The following TPM2 variants were observed in gnomAD, a reference collection of about 807,000 sequenced individuals.
TPM2 encodes the protein tropomyosin beta chain.
Under a neutral mutation model 41.0 loss-of-function variants are expected in TPM2, and 26 were observed. The observed-to-expected ratio is 0.63, with a 90% confidence interval of 0.46 to 0.88. TPM2 has a LOEUF of 0.88. Among genes scored for constraint, TPM2 ranks in the 40% least tolerant of loss-of-function variants. The probability of loss-of-function intolerance (pLI) is 0.00; values close to 1 mark genes in which losing one functional copy is unlikely to be tolerated. For missense variants in TPM2, 187 were observed against 355.2 expected (o/e 0.53, Z 3.81); for synonymous variants, 143 against 139.3 (o/e 1.03, Z -0.19).
Position 35,685,575 on chromosome 9 carries a change from C to A in TPM2, c.375-24G>T. On this transcript the variant is annotated intron_variant, in intron 3 of 8. Coordinates refer to ENST00000645482, the MANE Select transcript of TPM2 (RefSeq NM_003289.4). The surrounding 1 kb of genome is among the most constrained non-coding windows in gnomAD (Gnocchi z 5.0). ...CTCTGAAAGGCAGGGAGAGGGTGAGCGTAGGGTCAGGACCAGCAGAGACAG... is the reference window on the plus strand; with the variant it reads ...CTCTGAAAGGCAGGGAGAGGGTGAGAGTAGGGTCAGGACCAGCAGAGACAG... The A allele has an allele frequency of 6.2e-7, 1 of 1,614,154 alleles. No individual in the cohort carries two copies. Among genetic ancestry groups the A allele is most frequent in the Non-Finnish European group, 8.5e-7 (1 of 1,180,024 alleles).
intron 8 of TPM2, chr9:35,683,988 G>A (rs1824725405): frequency 2.0e-6 from 1 of 499,944 alleles, no homozygotes; most frequent in Non-Finnish European, 3.6e-6. Context: ...ATCTCTTTGG[G>A]GCAGAGTCAA....
chr9:35,682,850 A>C (rs939519546), downstream of TPM2: 24 of 1,428,642 alleles, frequency 1.7e-5, no homozygotes, highest in Non-Finnish European at 2.2e-5. Flanking sequence ...GGTGTCAGTA[A>C]GTGCCAGGGT....
intron 2 of TPM2, among the ~76,000 whole-genome samples, chr9:35,687,048 C>T (rs1824960479): frequency 6.6e-6 from 1 of 152,192 alleles, no homozygotes; most frequent in South Asian, 2.1e-4. Flanking sequence ...CTTATTTAGC[C>T]TCTCTAAGCT....
At chr9:35,686,620 T>C (rs190965002) in intron 2 of TPM2, among the ~76,000 whole-genome samples, 29 of 107,612 alleles carry the variant, frequency 2.7e-4, no homozygotes, top group South Asian at 1.1e-3. Flanking sequence ...CTGGGAAACA[T>C]AGCAAGATCC....
At position 35,685,374 on chromosome 9, in the gene TPM2, GAGA is replaced by G; in HGVS notation, c.493-38_493-36del. 6.2e-7 allele frequency: 1 copy of G among 1,614,182 alleles called. No individual in the cohort carries two copies. The highest frequency in any genetic ancestry group is 2.2e-5 in the East Asian group (1 of 44,876). On this transcript the variant is annotated intron_variant, in intron 4 of 8. Transcript: ENST00000645482. The surrounding 1 kb of genome is among the most constrained non-coding windows in gnomAD (Gnocchi z 5.0). ...GTGAGAAAGAGAGGGTAGATCAGTG[GAGA>G]AGGACTGGGCATGTTGCAGGCTGGG...
chr9:35,684,530 T>C lies in TPM2; in HGVS notation c.660A>G (p.Lys220=), dbSNP rs747802061. The part of the protein sequence containing the change: ...QADKYSTKED[K]YEEEIKLLEE... ...CCAACAGTTTGATCTCCTCTTCATATTTATCTTCTTTGGTGGAATACTTTT... is the reference window on the plus strand; with the variant it reads ...CCAACAGTTTGATCTCCTCTTCATACTTATCTTCTTTGGTGGAATACTTTT... The change falls in exon 7 of 9, where the codon AAA becomes AAG. Residue 220 remains lysine, a synonymous_variant. Coordinates refer to ENST00000645482, the MANE Select transcript of TPM2 (RefSeq NM_003289.4). 1.9e-6 allele frequency: 3 copies of C among 1,614,166 alleles called. No individual in the cohort carries two copies. The South Asian group carries it at 3.3e-5, about 18-fold the overall frequency.
intron 2 of TPM2, 95 bp downstream of exon 2, chr9:35,689,051 A>G: frequency 7.0e-7 from 1 of 1,438,366 alleles, no homozygotes; most frequent in Non-Finnish European, 9.8e-7. Context: ...TGGGGACATA[A>G]GGGGATAAGG....
upstream of TPM2, chr9:35,689,965 G>T: frequency 6.5e-7 from 1 of 1,533,534 alleles, no homozygotes; most frequent in Non-Finnish European, 8.7e-7. Flanking sequence ...AGGCGGGGAG[G>T]GACCGGGCGG....
At position 35,684,812 on chromosome 9, in the gene TPM2, AG is replaced by A. The variant is rs1439651784; in HGVS notation, c.564-6del. ...TCCTCTAGGTCCCCACATTTACTGCAGGGGGTGTGTGGCGGGGGGGGCAGGG... is the reference window on the plus strand; with the variant it reads ...TCCTCTAGGTCCCCACATTTACTGCAGGGGTGTGTGGCGGGGGGGGCAGGG... On this transcript the variant is annotated splice_polypyrimidine_tract_variant and splice_region_variant and intron_variant, in intron 5 of 8. Coordinates refer to ENST00000645482, the MANE Select transcript of TPM2 (RefSeq NM_003289.4). The A allele has an allele frequency of 3.3e-6, 5 of 1,532,818 alleles. No homozygotes were observed. The highest frequency in any genetic ancestry group is 4.4e-6 in the Non-Finnish European group (5 of 1,132,074). The allele number at this position is 1,532,818 out of a possible 1,614,324, so 95.0% of individuals were successfully genotyped here. A position where few individuals can be genotyped will look rare whatever the true frequency, so the allele number is the denominator to read the frequency against.
intron 2 of TPM2, among the ~76,000 whole-genome samples, chr9:35,688,238 C>T (rs1322771767): frequency 6.6e-6 from 1 of 152,200 alleles, no homozygotes; most frequent in Non-Finnish European, 1.5e-5. Context: ...GTCACAGAAG[C>T]CCAACCCCTG....
Position 35,685,114 on chromosome 9 carries a change from G to A in TPM2, c.563+155C>T. ...TTGAGGGCCTGGTCCATGGTTCGAA[G>A]TTCCTCCTCCAGCTGTCTGGCTCGG... On this transcript the variant is annotated intron_variant, in intron 5 of 8. Transcript: ENST00000645482. This position sits in a 1 kb window ranked among gnomAD's most constrained non-coding sequence, Gnocchi z 5.0. The A allele has an allele frequency of 6.2e-7, 1 of 1,614,218 alleles. No individual in the cohort carries two copies. Among genetic ancestry groups the A allele is most frequent in the Non-Finnish European group, 8.5e-7 (1 of 1,180,036 alleles).
At chr9:35,686,319 G>A (rs1824906910) in intron 2 of TPM2, 1 of 209,292 alleles carries the variant, frequency 4.8e-6, no homozygotes, top group Non-Finnish European at 9.7e-6. Context: ...GGCCTCTCCT[G>A]CACTGTGCAC....
chr9:35,684,771 A>T lies in TPM2; in HGVS notation c.600T>A (p.Val200=). 1 of 1,613,948 alleles carries T rather than the reference A, an allele frequency of 6.2e-7. No homozygotes were observed. Among genetic ancestry groups the T allele is most frequent in the Non-Finnish European group, 8.5e-7 (1 of 1,179,994 alleles). ...CCTCCAGGGATTTCAAGTTGTTGGT[A>T]ACAATTTTCAGCTCCTCCTCTAGGT... ...CGDLEEELKI[V]TNNLKSLEAQ... The change falls in exon 6 of 9, where the codon GTT becomes GTA. Residue 200 remains valine, a synonymous_variant. Coordinates refer to ENST00000645482, the MANE Select transcript of TPM2 (RefSeq NM_003289.4).
intron 1 of TPM2, 29 bp downstream of exon 1, chr9:35,689,675 G>C (rs369064198): frequency 6.2e-7 from 1 of 1,610,482 alleles, no homozygotes; most frequent in Non-Finnish European, 8.5e-7. Flanking sequence ...GGCGCGGGGA[G>C]AGCAGGCTGC....
intron 2 of TPM2, among the ~76,000 whole-genome samples, chr9:35,686,102 T>C (rs3793534): frequency 6.6e-6 from 1 of 152,024 alleles, no homozygotes; most frequent in East Asian, 1.9e-4. Context: ...AATAAAAAAT[T>C]AGCCAGGCAT....
intron 8 of TPM2, among the ~76,000 whole-genome samples, chr9:35,683,442 C>T (rs980805120): frequency 6.6e-6 from 1 of 152,194 alleles, no homozygotes; most frequent in African/African-American, 2.4e-5. Context: ...TCTTTTCTGT[C>T]CTTCTCTGTA....
intron 2 of TPM2, among the ~76,000 whole-genome samples, chr9:35,687,271 C>T (rs1008126988): frequency 6.6e-6 from 1 of 151,802 alleles, no homozygotes; most frequent in African/African-American, 2.4e-5. Context: ...TTTTTTAAAG[C>T]CCCCGAGTGA....
rs2131853430 is a variant in TPM2, at chr9:35,685,719, C to T, written c.302G>A (p.Arg101Gln). Residue 101 changes from arginine (R) to glutamine (Q), a missense_variant, in exon 3 of 9, where the codon CGG becomes CAG. Arg to Gln is a conservative substitution (Grantham distance 43). Coordinates refer to ENST00000645482, the MANE Select transcript of TPM2 (RefSeq NM_003289.4). This position sits in a 1 kb window ranked among gnomAD's most constrained non-coding sequence, Gnocchi z 5.0. ...GGCTGTAGCCAGGCGCTCCTGGGCC[C>T]GGTCCAGCTCCTCCTCAACCAGCTG... ...RIQLVEEELDRAQERLATALQ... is the reference protein window; with the variant it reads ...RIQLVEEELDQAQERLATALQ... 6.2e-7 allele frequency: 1 copy of T among 1,614,128 alleles called. No homozygotes were observed. Among genetic ancestry groups the T allele is most frequent in the Non-Finnish European group, 8.5e-7 (1 of 1,180,032 alleles).
At position 35,684,825 on chromosome 9, in the gene TPM2, C is replaced by CGG. The variant is rs3215700; in HGVS notation, c.564-20_564-19dup. 3,045 of 1,594,158 alleles carry CGG rather than the reference C, an allele frequency of 1.9e-3. 14 individuals carry two copies. Among genetic ancestry groups the CGG allele is most frequent in the East Asian group, 0.014 (624 of 44,388 alleles). ...CACATTTACTGCAGGGGGTGTGTGG[C>CGG]GGGGGGGGCAGGGTGTGAGGGCACA... On this transcript the variant is annotated intron_variant, in intron 5 of 8. Transcript: ENST00000645482.
Sources: allele counts gnomAD v4.1 joint callset (sites outside exome capture counted in the v4.1 genomes callset), GRCh38; gene constraint gnomAD v4.1.1; non-coding constraint Gnocchi (gnomAD v3.1); transcripts MANE v1.5; gene names NCBI Gene and HGNC (gene_info 2026-07-23, HGNC 2026-07-21).